RABEPK: variants seen among roughly 807,000 people sequenced by gnomAD.
The protein encoded by RABEPK is 40 kDa Rab9 effector protein.
A neutral mutation model predicts 34.1 loss-of-function variants in RABEPK; 27 were observed. The observed-to-expected ratio is 0.79, with a 90% CI of 0.58 to 1.09. The LOEUF (loss-of-function observed/expected upper bound fraction) is 1.09, where lower values mean the gene tolerates loss of function less well. Among genes scored for constraint, RABEPK ranks in the 50% least tolerant of loss-of-function variants. The probability of loss-of-function intolerance (pLI) is 0.00; values close to 1 mark genes in which losing one functional copy is unlikely to be tolerated. For missense variants in RABEPK, 449 were observed against 462.6 expected, an observed-to-expected ratio of 0.97 and a Z score of 0.27; for synonymous variants, 172 against 169.2, an observed-to-expected ratio of 1.02 and a Z score of -0.13.
chr9:125,216,935 C>T (rs1053179334), intron 4 of RABEPK, among the ~76,000 whole-genome samples: 4 of 151,010 alleles, frequency 2.6e-5, no homozygotes, highest in Non-Finnish European at 5.9e-5. Context: ...CCACTGCACT[C>T]CAGCCTGGGT....
chr9:125,228,556 G>T (rs1449511810), intron 6 of RABEPK, among the ~76,000 whole-genome samples: 1 of 151,710 alleles, frequency 6.6e-6, no homozygotes, highest in Non-Finnish European at 1.5e-5. Context: ...CTACGTTGGT[G>T]CCTGAGTCAG....
intron 3 of RABEPK, 103 bp downstream of exon 3, chr9:125,207,824 C>T: frequency 7.0e-7 from 1 of 1,422,836 alleles, no homozygotes; most frequent in Non-Finnish European, 9.6e-7. Context: ...CAGGGTTTTC[C>T]TATAAGAAAA....
chr9:125,202,140 G>A (rs983057153), intron 1 of RABEPK, among the ~76,000 whole-genome samples: 24 of 152,010 alleles, frequency 1.6e-4, no homozygotes, highest in Non-Finnish European at 2.8e-4. Flanking sequence ...GCTTGAACCC[G>A]GGAGGCAGAG....
chr9:125,212,157 G>T (rs1830631469), intron 3 of RABEPK, among the ~76,000 whole-genome samples: 1 of 152,172 alleles, frequency 6.6e-6, no homozygotes, highest in South Asian at 2.1e-4. Flanking sequence ...ACAAGATAAT[G>T]CCTGTAAAGG....
chr9:125,227,412 C>CTACT (rs1831837990), intron 5 of RABEPK, among the ~76,000 whole-genome samples: 1 of 151,550 alleles, frequency 6.6e-6, no homozygotes, highest in Non-Finnish European at 1.5e-5. Context: ...CGCAGAGCCT[C>CTACT]TGTAGGACTT....
At chr9:125,202,315 G>A (rs1588317416) in intron 1 of RABEPK, among the ~76,000 whole-genome samples, 1 of 151,542 alleles carries the variant, frequency 6.6e-6, no homozygotes, top group East Asian at 1.9e-4. Flanking sequence ...GAGGTCAGGA[G>A]TTAGTGACCA....
intron 5 of RABEPK, 24 bp from the exon 6 acceptor site, chr9:125,227,886 A>G: frequency 6.6e-7 from 1 of 1,511,754 alleles, no homozygotes. Context: ...TTGCCATTTG[A>G]TGTTATTGAA....
chr9:125,229,374 C>A lies in RABEPK; in HGVS notation c.676+1315C>A, dbSNP rs538509331. ...CTGGAACCTGGGAGGTGGAGGTTGC[C>A]GTGAGCTGATTGCACCCCTGCACTC... On this transcript the variant is annotated intron_variant, in intron 6 of 7. Coordinates refer to ENST00000373538, the MANE Select transcript of RABEPK (RefSeq NM_005833.4). 7.2e-5 allele frequency among the ~76,000 whole-genome samples: 11 copies of A among 151,976 alleles called. No individual in the cohort carries two copies. In the East Asian group the frequency reaches 2.1e-3, roughly 30 times the overall value.
chr9:125,224,220 AAAAAAC>A (rs1831569468), intron 5 of RABEPK, among the ~76,000 whole-genome samples: 1 of 151,618 alleles, frequency 6.6e-6, no homozygotes, highest in Non-Finnish European at 1.5e-5. Flanking sequence ...AAACAAAAAA[AAAAAAC>A]AACAGAGTTT....
At chr9:125,211,860 T>C (rs767118517) in intron 3 of RABEPK, among the ~76,000 whole-genome samples, 93 of 152,046 alleles carry the variant, frequency 6.1e-4, no homozygotes, top group Non-Finnish European at 1.5e-4. Context: ...TCCCAGCTAC[T>C]TGGGAGGCTG....
At position 125,228,012 on chromosome 9, in the gene RABEPK, G is replaced by T; in HGVS notation, c.629G>T (p.Gly210Val). The change falls in exon 6 of 8, where the codon GGC becomes GTC. Residue 210 changes from glycine to valine, a missense_variant. Transcript: ENST00000373538. The part of the protein sequence containing the change: ...AAGTKLFIHG[G>V]LAGDRFYDDL... ...GGGACAAAGCTCTTCATCCACGGAGGCTTGGCGGGGGACAGATTCTATGAT... is the reference window on the plus strand; with the variant it reads ...GGGACAAAGCTCTTCATCCACGGAGTCTTGGCGGGGGACAGATTCTATGAT... 4 of 1,605,976 alleles carry T rather than the reference G, an allele frequency of 2.5e-6. No homozygotes were observed. The highest frequency in any genetic ancestry group is 3.4e-6 in the Non-Finnish European group (4 of 1,175,272).
intron 6 of RABEPK, among the ~76,000 whole-genome samples, chr9:125,228,869 A>G (rs1271407426): frequency 1.3e-5 from 2 of 151,750 alleles, no homozygotes; most frequent in Non-Finnish European, 2.9e-5. Context: ...AGGCTGAGGC[A>G]GGAGAATTGC....
At chr9:125,206,780 T>C (rs957243120) in intron 2 of RABEPK, among the ~76,000 whole-genome samples, 25 of 151,972 alleles carry the variant, frequency 1.6e-4, no homozygotes, top group African/African-American at 6.0e-4. Context: ...TTCACAATCA[T>C]CTTTTGCAGT....
At chr9:125,219,220 ATGGTCTT>A in intron 4 of RABEPK, among the ~76,000 whole-genome samples, 1 of 80,304 alleles carries the variant, frequency 1.2e-5, no homozygotes, top group East Asian at 3.3e-4. Context: ...TTTTCAAGAT[ATGGTCTT>A]ACTCTTTTAC....
At chr9:125,227,340 G>A (rs993352313) in intron 5 of RABEPK, among the ~76,000 whole-genome samples, 6 of 152,074 alleles carry the variant, frequency 3.9e-5, no homozygotes, top group Admixed American at 2.0e-4. Context: ...AATGGCTTCC[G>A]GGTGCTGAGT....
chr9:125,227,956 TC>T lies in RABEPK; in HGVS notation c.577del (p.Arg193GlyfsTer5). 2 of 1,608,130 alleles carry T rather than the reference TC, an allele frequency of 1.2e-6. No individual in the cohort carries two copies. Among genetic ancestry groups the T allele is most frequent in the South Asian group, 1.1e-5 (1 of 90,270 alleles). ...CAGAGACACTTGGAAATCCTCCATC[TC>T]CCCGGCATGGTCATGTGATGGTGGC... The part of the protein sequence containing the change: ...QPETLGNPPS[P>X]RHGHVMVAAG... On this transcript the variant is annotated frameshift_variant, in exon 6 of 8. Coordinates refer to ENST00000373538, the MANE Select transcript of RABEPK (RefSeq NM_005833.4). LOFTEE classifies it high-confidence loss of function.
rs758461402 is a variant in RABEPK, at chr9:125,228,038, G to GA, written c.656dup (p.Asp219GlufsTer6). On this transcript the variant is annotated frameshift_variant, in exon 6 of 8. Coordinates refer to ENST00000373538, the MANE Select transcript of RABEPK (RefSeq NM_005833.4). LOFTEE classifies it high-confidence loss of function. ...CTTGGCGGGGGACAGATTCTATGAT[G>GA]ACCTCCACTGCATTGATATAAGTAA... is the stretch of plus-strand genomic sequence containing the variant. The GA allele has an allele frequency of 7.9e-5, 127 of 1,599,682 alleles. No individual in the cohort carries two copies. Among genetic ancestry groups the GA allele is most frequent in the Non-Finnish European group, 1.1e-4 (126 of 1,171,558 alleles).
intron 6 of RABEPK, among the ~76,000 whole-genome samples, chr9:125,231,308 T>C (rs1041127699): frequency 6.7e-6 from 1 of 150,206 alleles, no homozygotes; most frequent in African/African-American, 2.5e-5. Context: ...GAAAAAAAAA[T>C]GCTTGTTTGA....
At chr9:125,217,699 C>T (rs1272654560) in intron 4 of RABEPK, among the ~76,000 whole-genome samples, 1 of 152,128 alleles carries the variant, frequency 6.6e-6, no homozygotes, top group African/African-American at 2.4e-5. Context: ...CCCTCAAATG[C>T]TCAGGACTCC....
Sources: gnomAD v4.1 joint callset for allele counts (sites outside exome capture counted in the v4.1 genomes callset) on GRCh38, gnomAD v4.1.1 for gene constraint, MANE v1.5 for transcripts, NCBI Gene and HGNC (gene_info 2026-07-23, HGNC 2026-07-21) for gene names.